Variants in ZNF362 observed in about 807,000 individuals in gnomAD.
ZNF362 encodes zinc finger protein 362.
ZNF362 carries 11 observed loss-of-function variants against 42.9 expected under a neutral mutation model. The ratio of observed to expected loss-of-function variants is 0.26; its 90% CI spans 0.16 to 0.42. The LOEUF is 0.42. ZNF362 is among the 20% of genes least tolerant of loss of function. ZNF362 has a pLI of 1.00. For missense variants in ZNF362, 362 were observed against 576.2 expected, an observed-to-expected ratio of 0.63 and a Z score of 3.81; for synonymous variants, 255 against 257.3, an observed-to-expected ratio of 0.99 and a Z score of 0.09.
chr1:33,191,249 C>T, the ZNF362 span, among the ~76,000 whole-genome samples: 116 of 152,326 alleles, frequency 7.6e-4, 1 homozygote, highest in African/African-American at 2.5e-3. Flanking sequence ...GTAGTTTCTA[C>T]CTCCTGATTG....
chr1:33,189,066 T>G, the ZNF362 span, among the ~76,000 whole-genome samples: 1 of 152,196 alleles, frequency 6.6e-6, no homozygotes, highest in African/African-American at 2.4e-5. Flanking sequence ...TGCACCAAGT[T>G]GATGACTCAA....
chr1:33,144,337 C>CTA, the ZNF362 span, among the ~76,000 whole-genome samples: 1 of 152,178 alleles, frequency 6.6e-6, no homozygotes, highest in Non-Finnish European at 1.5e-5. Flanking sequence ...GGGGTTTCTC[C>CTA]ACGTTGGTCA....
At chr1:33,277,824 C>T (rs116824181) in intron 4 of ZNF362, among the ~76,000 whole-genome samples, 1,560 of 152,238 alleles carry the variant, frequency 0.01, 14 homozygotes, top group Non-Finnish European at 0.017. Flanking sequence ...GGGTGCCAGG[C>T]GGACATCCTG....
At chr1:33,159,144 A>G in the ZNF362 span, among the ~76,000 whole-genome samples, 106,126 of 151,924 alleles carry the variant, frequency 0.7, 37,414 homozygotes, top group Non-Finnish European at 0.75. The surrounding 1 kb of genome is among the most constrained non-coding windows in gnomAD (Gnocchi z 4.2). Context: ...CGTGCCCAGC[A>G]GGAGCCTCAG....
At chr1:33,144,769 G>C in the ZNF362 span, among the ~76,000 whole-genome samples, 1 of 152,112 alleles carries the variant, frequency 6.6e-6, no homozygotes, top group African/African-American at 2.4e-5. Context: ...ACCTCAGGAT[G>C]GTCCTGGTCT....
chr1:33,171,136 C>T, the ZNF362 span, among the ~76,000 whole-genome samples: 323 of 152,292 alleles, frequency 2.1e-3, 1 homozygote, highest in South Asian at 0.02. Context: ...GACTGGCCCA[C>T]GGCCACACAG....
chr1:33,196,748 C>T, the ZNF362 span, among the ~76,000 whole-genome samples: 1 of 152,048 alleles, frequency 6.6e-6, no homozygotes, highest in Non-Finnish European at 1.5e-5. Context: ...ATTGTATGTG[C>T]TAGACTTTTA....
intron 1 of ZNF362, among the ~76,000 whole-genome samples, chr1:33,257,571 G>A (rs1645802680): frequency 6.6e-6 from 1 of 151,958 alleles, no homozygotes; most frequent in South Asian, 2.1e-4. Context: ...GTGGGGGGGC[G>A]GATGTGGAGG....
In ZNF362 at chr1:33,296,701, A is replaced by G. The variant is rs530803803; in HGVS notation, c.1146+1396A>G. On this transcript the variant is annotated intron_variant, in intron 8 of 8. Transcript: ENST00000539719. ...GTGCGAACCCCCTGAGGGGTAACAA[A>G]CTTGGCACGTTACAAGAACTCAAAG... 3.3e-5 allele frequency among the ~76,000 whole-genome samples: 5 copies of G among 152,240 alleles called. No individual in the cohort carries two copies. In the East Asian group the frequency reaches 9.7e-4, roughly 30 times the overall value.
the ZNF362 span, among the ~76,000 whole-genome samples, chr1:33,194,561 G>A: frequency 9.4e-5 from 14 of 149,574 alleles, no homozygotes; most frequent in East Asian, 2.4e-3. Flanking sequence ...AAATACATGG[G>A]GTCTGAAGCC....
the ZNF362 span, among the ~76,000 whole-genome samples, chr1:33,130,094 C>T: frequency 5.3e-5 from 8 of 152,158 alleles, no homozygotes; most frequent in East Asian, 5.8e-4. Flanking sequence ...CCTGACCTCA[C>T]GTGATCCACC....
At chr1:33,136,867 C>T in the ZNF362 span, among the ~76,000 whole-genome samples, 24 of 151,788 alleles carry the variant, frequency 1.6e-4, no homozygotes, top group Admixed American at 5.2e-4. Flanking sequence ...CGTGGTGGTG[C>T]GTGCTTGTAG....
the ZNF362 span, among the ~76,000 whole-genome samples, chr1:33,213,678 C>G: frequency 6.6e-6 from 1 of 152,098 alleles, no homozygotes; most frequent in Non-Finnish European, 1.5e-5. Flanking sequence ...AACCCCATCT[C>G]TACTAAAAAT....
chr1:33,280,180 GCGGGCA>G lies in ZNF362; in HGVS notation c.417_422del (p.Gly141_Thr142del), dbSNP rs762490200. ...GAGCACTTCTGAGTCAAGCGCGGGC[GCGGGCA>G]CGGGCACGGGTACCAGCACCCCGTC... On this transcript the variant is annotated inframe_deletion, in exon 5 of 9. Transcript: ENST00000539719. The surrounding 1 kb of genome is among the most constrained non-coding windows in gnomAD (Gnocchi z 5.6). 2.5e-5 allele frequency: 40 copies of G among 1,612,038 alleles called. No individual in the cohort carries two copies. The highest frequency in any genetic ancestry group is 3.1e-5 in the Non-Finnish European group (37 of 1,178,770).
At chr1:33,216,448 A>G in the ZNF362 span, among the ~76,000 whole-genome samples, 1 of 146,580 alleles carries the variant, frequency 6.8e-6, no homozygotes, top group Non-Finnish European at 1.5e-5. Context: ...AAAAATACAA[A>G]AATTAGCCAG....
chr1:33,149,595 T>C, the ZNF362 span, among the ~76,000 whole-genome samples: 5 of 151,834 alleles, frequency 3.3e-5, no homozygotes, highest in African/African-American at 9.7e-5. Context: ...GCTGAGACTA[T>C]AGGCATGCAT....
chr1:33,255,669 C>G (rs1030892003), upstream of ZNF362, among the ~76,000 whole-genome samples: 1 of 152,172 alleles, frequency 6.6e-6, no homozygotes, highest in Non-Finnish European at 1.5e-5. Context: ...AGAGGAGCCA[C>G]TGCCAGCTTC....
the ZNF362 span, among the ~76,000 whole-genome samples, chr1:33,186,575 G>C: frequency 6.6e-6 from 1 of 150,406 alleles, no homozygotes; most frequent in African/African-American, 2.5e-5. Flanking sequence ...GGAGGCTAAG[G>C]CAGGAGGATC....
At chr1:33,249,629 G>T in the ZNF362 span, among the ~76,000 whole-genome samples, 1 of 152,112 alleles carries the variant, frequency 6.6e-6, no homozygotes, top group African/African-American at 2.4e-5. Flanking sequence ...TTATGCCACT[G>T]CCCTTGGAAG....
Sources: gnomAD v4.1 joint callset for allele counts (sites outside exome capture counted in the v4.1 genomes callset) on GRCh38, gnomAD v4.1.1 for gene constraint, Gnocchi (gnomAD v3.1) non-coding constraint, MANE v1.5 for transcripts, NCBI Gene and HGNC (gene_info 2026-07-23, HGNC 2026-07-21) for gene names.